SCOC: variants seen among roughly 807,000 people sequenced by gnomAD.
SCOC encodes short coiled-coil protein.
SCOC carries 7 observed loss-of-function variants against 9.9 expected under a neutral mutation model. The ratio of observed to expected loss-of-function variants is 0.71; its 90% CI spans 0.40 to 1.33. The LOEUF is 1.33. Ranked by LOEUF, SCOC falls within the 40% of genes most tolerant of loss-of-function variation. The pLI is 0.01. For missense variants in SCOC, 66 were observed against 89.7 expected (o/e 0.74, Z 1.07); for synonymous variants, 19 against 28.2 (o/e 0.67, Z 1.03).
chr4:140,285,046 T>C (rs1731226024), intron 1 of SCOC: 1 of 381,676 alleles, frequency 2.6e-6, no homozygotes, highest in Non-Finnish European at 5.3e-6. Context: ...CCAGCCATTG[T>C]GTTAAAAGCT....
intron 1 of SCOC, among the ~76,000 whole-genome samples, chr4:140,274,640 A>G (rs1019949419): frequency 1.3e-5 from 2 of 152,230 alleles, no homozygotes; most frequent in Non-Finnish European, 2.9e-5. Context: ...ATTCCCTTCC[A>G]TGCATGATAA....
chr4:140,373,476 T>C (rs1728150925), upstream of SCOC: 1 of 1,550,578 alleles, frequency 6.4e-7, no homozygotes, highest in Admixed American at 2.0e-5. Context: ...TGTCCTTTTG[T>C]TATGGCAAAG....
At chr4:140,340,120 C>T (rs886859867), upstream of SCOC, among the ~76,000 whole-genome samples, 33 of 152,222 alleles carry the variant, frequency 2.2e-4, no homozygotes, top group African/African-American at 7.9e-4. Context: ...ACTATGCAGC[C>T]ATAAAAATGA....
upstream of SCOC, among the ~76,000 whole-genome samples, chr4:140,339,087 G>T (rs1186334430): frequency 6.6e-6 from 1 of 152,136 alleles, no homozygotes; most frequent in Non-Finnish European, 1.5e-5. Context: ...GCATGGTACT[G>T]GTACCAAAAC....
chr4:140,371,715 ATAGAAT>A (rs1434550255), upstream of SCOC, among the ~76,000 whole-genome samples: 1 of 152,200 alleles, frequency 6.6e-6, no homozygotes, highest in Non-Finnish European at 1.5e-5. Context: ...TTGCTTTAAA[ATAGAAT>A]TACCATATGA....
intron 2 of SCOC, among the ~76,000 whole-genome samples, chr4:140,355,764 T>A (rs969147573): frequency 1.3e-5 from 2 of 152,202 alleles, no homozygotes; most frequent in African/African-American, 4.8e-5. Context: ...AAATTGTATC[T>A]ATGTTGCGAT....
chr4:140,364,998 G>C (rs1727727546), intron 2 of SCOC, among the ~76,000 whole-genome samples: 1 of 152,140 alleles, frequency 6.6e-6, no homozygotes, highest in African/African-American at 2.4e-5. Context: ...CATCATGACA[G>C]TCTGGAATGA....
chr4:140,356,887 TTAAG>T (rs760153281), intron 2 of SCOC, among the ~76,000 whole-genome samples: 45 of 152,296 alleles, frequency 3.0e-4, no homozygotes, highest in African/African-American at 6.3e-4. Context: ...TCCCAATTTA[TTAAG>T]TGAGTTATAA....
chr4:140,295,331 T>TA (rs563022588), intron 1 of SCOC, among the ~76,000 whole-genome samples: 5 of 149,802 alleles, frequency 3.3e-5, no homozygotes, highest in African/African-American at 7.3e-5. Context: ...GACCATGGGT[T>TA]AAAAAAAAAA....
At chr4:140,293,216 AC>A in intron 1 of SCOC, 1 of 437,136 alleles carries the variant, frequency 2.3e-6, no homozygotes, top group Non-Finnish European at 4.6e-6. Context: ...ATCTTAAACA[AC>A]TGGGCTGCCA....
intron 1 of SCOC, among the ~76,000 whole-genome samples, chr4:140,317,788 G>A (rs779958599): frequency 8.0e-5 from 12 of 150,904 alleles, no homozygotes; most frequent in Non-Finnish European, 1.6e-4. Flanking sequence ...ATGCTGGCGC[G>A]CTGCACCCAC....
intron 1 of SCOC, among the ~76,000 whole-genome samples, chr4:140,310,687 C>CTAG (rs1437752357): frequency 2.6e-5 from 4 of 152,162 alleles, no homozygotes; most frequent in Admixed American, 2.6e-4. Context: ...CCCTGAGGGA[C>CTAG]TAGTCATGAT....
intron 2 of SCOC, among the ~76,000 whole-genome samples, chr4:140,364,473 G>GA (rs1299897144): frequency 1.6e-4 from 25 of 151,682 alleles, no homozygotes; most frequent in Admixed American, 3.3e-4. Context: ...CCCTATTCTG[G>GA]AAAAAAAATC....
At chr4:140,344,897 A>T (rs1288475765) in intron 2 of SCOC, among the ~76,000 whole-genome samples, 1 of 152,202 alleles carries the variant, frequency 6.6e-6, no homozygotes, top group Non-Finnish European at 1.5e-5. Context: ...AATGTGACTC[A>T]GCCCAGAATT....
At chr4:140,351,201 A>G (rs1179710789) in intron 2 of SCOC, among the ~76,000 whole-genome samples, 3 of 151,996 alleles carry the variant, frequency 2.0e-5, no homozygotes, top group Admixed American at 2.0e-4. Flanking sequence ...AAAAAAAAAA[A>G]AAAGAAGAAG....
intron 2 of SCOC, among the ~76,000 whole-genome samples, chr4:140,352,932 T>C: frequency 6.6e-6 from 1 of 152,064 alleles, no homozygotes; most frequent in Admixed American, 6.6e-5. Context: ...AAATCAGGGG[T>C]GAATTTTATT....
At chr4:140,362,301 T>TCTTCTTC in intron 2 of SCOC, among the ~76,000 whole-genome samples, 14 of 29,394 alleles carry the variant, frequency 4.8e-4, no homozygotes, top group African/African-American at 8.2e-4. Flanking sequence ...TTCTTCTTCT[T>TCTTCTTC]TTTTTTTTTT....
At chr4:140,286,398 G>A (rs926341544) in intron 1 of SCOC, among the ~76,000 whole-genome samples, 1 of 151,878 alleles carries the variant, frequency 6.6e-6, no homozygotes, top group African/African-American at 2.4e-5. Context: ...ACAGAGGGAG[G>A]GATAGGGTGG....
intron 1 of SCOC, among the ~76,000 whole-genome samples, chr4:140,332,514 G>A (rs2321146): frequency 6.6e-6 from 1 of 151,900 alleles, no homozygotes. Flanking sequence ...TAGTAGCTGA[G>A]ACTACAGGCA....
Sources: allele counts gnomAD v4.1 joint callset (sites outside exome capture counted in the v4.1 genomes callset), GRCh38; gene constraint gnomAD v4.1.1; transcripts MANE v1.5; gene names NCBI Gene and HGNC (gene_info 2026-07-23, HGNC 2026-07-21).